The following TCF7L1 variants were observed in gnomAD, a reference collection of about 807,000 sequenced individuals.
TCF7L1 encodes the protein transcription factor 7-like 1.
Under a neutral mutation model 63.7 loss-of-function variants are expected in TCF7L1, and 18 were observed. The observed-to-expected ratio is 0.28, with a 90% CI of 0.20 to 0.42. The LOEUF (loss-of-function observed/expected upper bound fraction) is 0.42. Ranked by LOEUF, TCF7L1 falls within the 10% of genes least tolerant of loss-of-function variation. The probability of loss-of-function intolerance (pLI) is 1.00; values close to 1 mark genes in which losing one functional copy is unlikely to be tolerated. For synonymous variants in TCF7L1, 355 were observed against 340.9 expected, an observed-to-expected ratio of 1.04 and a Z score of -0.46; for missense variants, 654 against 779.3, an observed-to-expected ratio of 0.84 and a Z score of 1.91.
chr2:85,196,895 C>T (rs2439703), intron 3 of TCF7L1, among the ~76,000 whole-genome samples: 31,390 of 152,134 alleles, frequency 0.21, 4,070 homozygotes, highest in Non-Finnish European at 0.29. Flanking sequence ...GCAGTGACTG[C>T]TGCTGCTTGC....
chr2:85,146,443 A>G (rs1401589009), intron 3 of TCF7L1, among the ~76,000 whole-genome samples: 1 of 152,082 alleles, frequency 6.6e-6, no homozygotes, highest in Non-Finnish European at 1.5e-5. Context: ...AAAGATGAGT[A>G]ACATCCCTCA....
At chr2:85,150,642 G>A (rs992704084) in intron 3 of TCF7L1, among the ~76,000 whole-genome samples, 6 of 151,804 alleles carry the variant, frequency 4.0e-5, no homozygotes, top group African/African-American at 1.5e-4. Context: ...TACATTTTGG[G>A]CAGGAAAGAT....
chr2:85,266,040 C>T lies in TCF7L1; in HGVS notation c.442-17455C>T, dbSNP rs748469589. The stretch of plus-strand genomic sequence containing the variant: ...TACATGTTTTTTCTTTTTTTAAGCA[C>T]TCCCCATTACACAGGTGGAAATACA... On this transcript the variant is annotated intron_variant, in intron 3 of 11. Coordinates refer to ENST00000282111, the MANE Select transcript of TCF7L1 (RefSeq NM_031283.3). Among the ~76,000 whole-genome samples the T allele has an allele frequency of 7.9e-5, 12 of 152,090 alleles. 1 individual carries two copies. The highest frequency in any genetic ancestry group is 5.2e-4 in the Admixed American group (8 of 15,262).
chr2:85,140,496 C>CTTCCACCA (rs1677702184), intron 3 of TCF7L1, among the ~76,000 whole-genome samples: 3 of 151,920 alleles, frequency 2.0e-5, no homozygotes, highest in African/African-American at 7.3e-5. Flanking sequence ...ATGGTGGAAG[C>CTTCCACCA]TGGAGGGAAA....
chr2:85,235,191 G>A (rs923233140), intron 3 of TCF7L1, among the ~76,000 whole-genome samples: 2 of 152,020 alleles, frequency 1.3e-5, no homozygotes, highest in Non-Finnish European at 2.9e-5. Flanking sequence ...GTACCTCTTG[G>A]GTGGAGAAAG....
rs868124464 is a variant in TCF7L1 at position 85,216,259 on chromosome 2, G to C, written c.442-67236G>C. Among the ~76,000 whole-genome samples, 19 of 152,158 alleles carry C rather than the reference G, an allele frequency of 1.2e-4. 1 individual carries two copies. Among genetic ancestry groups the C allele is most frequent in the South Asian group, 2.1e-4 (1 of 4,826 alleles). On this transcript the variant is annotated intron_variant, in intron 3 of 11. Transcript: ENST00000282111. ...CTTTCCTTCCCCGTGGCTCCGGGCAGCTTTTTTCCCCCCATCCCCCACCCT... is the reference window on the plus strand; with the variant it reads ...CTTTCCTTCCCCGTGGCTCCGGGCACCTTTTTTCCCCCCATCCCCCACCCT...
At chr2:85,218,805 C>T (rs773423673) in intron 3 of TCF7L1, among the ~76,000 whole-genome samples, 16 of 151,942 alleles carry the variant, frequency 1.1e-4, no homozygotes, top group Admixed American at 5.9e-4. Flanking sequence ...ACCATCTAGG[C>T]AGGGGAAAAT....
At chr2:85,189,200 G>A (rs974241366) in intron 3 of TCF7L1, among the ~76,000 whole-genome samples, 6 of 152,184 alleles carry the variant, frequency 3.9e-5, no homozygotes, top group African/African-American at 9.6e-5. Flanking sequence ...TACAAGTGTC[G>A]CTTCGGGGAT....
chr2:85,133,818 G>A lies in TCF7L1; in HGVS notation c.134G>A (p.Gly45Glu), dbSNP rs1193219745. ...NDELIPFQDE[G>E]GEEQEPSSDS... ...GAGCTGATCCCCTTCCAGGACGAGGGGGGCGAGGAGCAGGAGCCGAGCAGC... is the reference window on the plus strand; with the variant it reads ...GAGCTGATCCCCTTCCAGGACGAGGAGGGCGAGGAGCAGGAGCCGAGCAGC... Residue 45 changes from glycine to glutamate, a missense_variant, in exon 1 of 12, where the codon GGG (glycine) becomes GAG (glutamate). Around this residue, in one of 3 missense-constraint regions of TCF7L1, gnomAD observed 404 missense variants for 454.8 expected, o/e 0.89. Coordinates refer to ENST00000282111, the MANE Select transcript of TCF7L1 (RefSeq NM_031283.3). The surrounding 1 kb of genome is among the most constrained non-coding windows in gnomAD (Gnocchi z 4.4). The A allele has an allele frequency of 2.0e-6, 3 of 1,474,224 alleles. No homozygotes were observed. In the Admixed American group the frequency reaches 7.2e-5, roughly 35 times the overall value. 91.3% of individuals were successfully genotyped at this position (1,474,224 alleles called of 1,614,324 possible).
intron 3 of TCF7L1, among the ~76,000 whole-genome samples, chr2:85,138,344 G>A (rs942316803): frequency 5.3e-5 from 8 of 152,076 alleles, no homozygotes; most frequent in Non-Finnish European, 8.8e-5. Context: ...AGGAACCCAA[G>A]CAGAAATCTT....
Position 85,210,742 on chromosome 2 carries a change from G to A in TCF7L1, c.442-72753G>A, listed in dbSNP as rs66906409. Among the ~76,000 whole-genome samples, 1,471 of 152,254 alleles carry A rather than the reference G, an allele frequency of 9.7e-3. 19 individuals carry two copies. Among genetic ancestry groups the A allele is most frequent in the Non-Finnish European group, 0.01 (687 of 68,016 alleles). Reference sequence around the variant, plus strand: ...TCTAAATAATAACATGGTCATTTCCGGAGTACTTGCCATGTGCCAGGCATC... The same window carrying A: ...TCTAAATAATAACATGGTCATTTCCAGAGTACTTGCCATGTGCCAGGCATC... On this transcript the variant is annotated intron_variant, in intron 3 of 11. Transcript: ENST00000282111.
intron 3 of TCF7L1, among the ~76,000 whole-genome samples, chr2:85,172,933 C>T (rs998050171): frequency 3.9e-5 from 6 of 152,218 alleles, no homozygotes; most frequent in Admixed American, 3.3e-4. Context: ...TTGCCCGTCT[C>T]CACTCGCTAC....
At chr2:85,252,944 C>T (rs1265428821) in intron 3 of TCF7L1, among the ~76,000 whole-genome samples, 2 of 152,164 alleles carry the variant, frequency 1.3e-5, no homozygotes, top group Non-Finnish European at 2.9e-5. Context: ...TATTGCTTTA[C>T]TTTAGGAAAT....
Position 85,225,706 on chromosome 2 carries a change from A to C in TCF7L1, c.442-57789A>C, listed in dbSNP as rs564950807. On this transcript the variant is annotated intron_variant, in intron 3 of 11. Coordinates refer to ENST00000282111, the MANE Select transcript of TCF7L1 (RefSeq NM_031283.3). Reference sequence around the variant, plus strand: ...AGACGATGGGGTTTTCTAAATATACAGTCATGTCATCTGCAAACAGAGACA... The same window carrying C: ...AGACGATGGGGTTTTCTAAATATACCGTCATGTCATCTGCAAACAGAGACA... Among the ~76,000 whole-genome samples the C allele has an allele frequency of 2.6e-5, 4 of 152,250 alleles. No homozygotes were observed. The East Asian group carries it at 7.7e-4, about 29-fold the overall frequency.
At chr2:85,277,609 G>A (rs1230002747) in intron 3 of TCF7L1, among the ~76,000 whole-genome samples, 4 of 152,168 alleles carry the variant, frequency 2.6e-5, no homozygotes, top group Non-Finnish European at 5.9e-5. Flanking sequence ...ATGGGCAAGT[G>A]GCCAAAAATG....
intron 5 of TCF7L1, 135 bp from the exon 6 acceptor site, chr2:85,303,760 G>A (rs372381187): frequency 4.7e-6 from 3 of 639,556 alleles, no homozygotes; most frequent in Middle Eastern, 2.6e-4. Context: ...GTTGACAGAG[G>A]GCAAGGACAA....
chr2:85,190,550 G>A (rs984055509), intron 3 of TCF7L1, among the ~76,000 whole-genome samples: 1 of 152,182 alleles, frequency 6.6e-6, no homozygotes, highest in Non-Finnish European at 1.5e-5. Context: ...CCATATGGCA[G>A]CCAACACCCT....
chr2:85,235,624 T>A (rs1174161732), intron 3 of TCF7L1, among the ~76,000 whole-genome samples: 1 of 152,114 alleles, frequency 6.6e-6, no homozygotes, highest in Non-Finnish European at 1.5e-5. Context: ...GCAGCCAATG[T>A]GTTATACCTG....
chr2:85,302,943 G>A lies in TCF7L1; in HGVS notation c.658+327G>A, dbSNP rs144165734. Among the ~76,000 whole-genome samples, 461 of 152,328 alleles carry A rather than the reference G, an allele frequency of 3.0e-3. 6 individuals carry two copies. The highest frequency in any genetic ancestry group is 0.011 in the African/African-American group (444 of 41,572). ...GCCGTGCTTCCCTACACCAAGACAT[G>A]TTTGCCCTAAACTGAACATTTTTAA... On this transcript the variant is annotated intron_variant, in intron 5 of 11. Coordinates refer to ENST00000282111, the MANE Select transcript of TCF7L1 (RefSeq NM_031283.3).
Sources: gnomAD v4.1 joint callset for allele counts (sites outside exome capture counted in the v4.1 genomes callset) on GRCh38, gnomAD v4.1.1 for gene constraint, gnomAD v4.1.1 regional missense constraint, Gnocchi (gnomAD v3.1) non-coding constraint, MANE v1.5 for transcripts, NCBI Gene and HGNC (gene_info 2026-07-23, HGNC 2026-07-21) for gene names.